GGACT: variants seen among roughly 807,000 people sequenced by gnomAD.
GGACT encodes gamma-glutamylaminecyclotransferase.
For missense variants in GGACT, 241 were observed against 233.2 expected, an observed-to-expected ratio of 1.03 and a Z score of -0.22; for synonymous variants, 118 against 115.3, an observed-to-expected ratio of 1.02 and a Z score of -0.15.
chr13:100,537,357 T>C (rs1179877562), intron 2 of GGACT: 1 of 152,244 alleles, frequency 6.6e-6, no homozygotes, highest in Non-Finnish European at 1.5e-5. Context: ...GCCAGGAAAG[T>C]AGCAATTGTG....
rs1371203667 is a variant in GGACT at position 100,532,106 on chromosome 13, C to T, written c.*24G>A. On this transcript the variant is annotated 3_prime_UTR_variant, in exon 3 of 3. Coordinates refer to ENST00000683975, the MANE Select transcript of GGACT (RefSeq NM_001195087.2). ...TCTTGGAGCCCCAGGGCTCTCAAAC[C>T]TAGGCCCACCCTGCCCGTCCCCCTT... 2.8e-6 allele frequency: 4 copies of T among 1,428,688 alleles called. No individual in the cohort carries two copies. The African/African-American group carries it at 4.4e-5, about 16-fold the overall frequency. The allele number at this position is 1,428,688 out of a possible 1,614,324, so 88.5% of individuals were successfully genotyped here.
At chr13:100,575,442 C>T (rs1322954974) in intron 2 of GGACT, among the ~76,000 whole-genome samples, 1 of 152,170 alleles carries the variant, frequency 6.6e-6, no homozygotes, top group African/African-American at 2.4e-5. Context: ...TTTTGTTTCA[C>T]AAATTTCGAC....
intron 2 of GGACT, among the ~76,000 whole-genome samples, chr13:100,532,923 G>A (rs545879185): frequency 6.6e-6 from 1 of 152,316 alleles, no homozygotes; most frequent in East Asian, 1.9e-4. Context: ...TAGAGAAAGG[G>A]GCACACATTG....
At chr13:100,544,383 G>A (rs1209440053) in intron 2 of GGACT, among the ~76,000 whole-genome samples, 4 of 152,228 alleles carry the variant, frequency 2.6e-5, no homozygotes, top group Non-Finnish European at 5.9e-5. Flanking sequence ...GGCTCGGGCC[G>A]CATCCTGTTG....
intron 2 of GGACT, among the ~76,000 whole-genome samples, chr13:100,575,431 T>C (rs538447563): frequency 6.6e-6 from 1 of 152,372 alleles, no homozygotes; most frequent in South Asian, 2.1e-4. Context: ...AGATGCATGA[T>C]TTTTGTTTCA....
At chr13:100,546,279 G>A (rs1165379037) in intron 2 of GGACT, among the ~76,000 whole-genome samples, 2 of 150,340 alleles carry the variant, frequency 1.3e-5, no homozygotes, top group East Asian at 2.0e-4. Context: ...GGGGAATGGC[G>A]TGAACCCGGT....
intron 2 of GGACT, among the ~76,000 whole-genome samples, chr13:100,562,626 T>G (rs1270845107): frequency 6.6e-6 from 1 of 151,430 alleles, no homozygotes; most frequent in Non-Finnish European, 1.5e-5. Flanking sequence ...TAAAACCCCG[T>G]CTCTACTAAA....
chr13:100,557,615 A>G (rs889431308), intron 2 of GGACT, among the ~76,000 whole-genome samples: 1 of 152,182 alleles, frequency 6.6e-6, no homozygotes, highest in Non-Finnish European at 1.5e-5. Context: ...CTCCCTATAC[A>G]CTAATTAACT....
chr13:100,562,795 CA>C (rs201672312), intron 2 of GGACT, among the ~76,000 whole-genome samples: 2,237 of 123,552 alleles, frequency 0.018, 45 homozygotes, highest in African/African-American at 0.06. Flanking sequence ...GACAATGTCT[CA>C]AAAAAAAAAA....
Position 100,534,160 on chromosome 13 carries a change from A to G in GGACT, c.-10-1559T>C, listed in dbSNP as rs575601983. 1.4e-4 allele frequency among the ~76,000 whole-genome samples: 22 copies of G among 152,310 alleles called. No individual in the cohort carries two copies. In the East Asian group the frequency reaches 4.1e-3, roughly 28 times the overall value. ...GGGGTTCTAGGCCTCATTTTGCTCAAGAGGCACGTCTGCTGCCTCTTGGTT... is the reference window on the plus strand; with the variant it reads ...GGGGTTCTAGGCCTCATTTTGCTCAGGAGGCACGTCTGCTGCCTCTTGGTT... On this transcript the variant is annotated intron_variant, in intron 2 of 2. Coordinates refer to ENST00000683975, the MANE Select transcript of GGACT (RefSeq NM_001195087.2). The surrounding 1 kb of genome is among the most constrained non-coding windows in gnomAD (Gnocchi z 4.9).
intron 2 of GGACT, among the ~76,000 whole-genome samples, chr13:100,578,072 C>T (rs76240877): frequency 0.027 from 4,110 of 152,274 alleles, 105 homozygotes; most frequent in East Asian, 0.07. Context: ...GAGCCCTGAT[C>T]ACAAAGTTGA....
intron 2 of GGACT, among the ~76,000 whole-genome samples, chr13:100,558,514 G>A (rs537377081): frequency 6.6e-5 from 10 of 152,292 alleles, no homozygotes; most frequent in Admixed American, 6.5e-4. Context: ...TTGGCAAGAT[G>A]TAGAGTAACT....
chr13:100,584,476 AG>A (rs1875506840), intron 1 of GGACT, among the ~76,000 whole-genome samples: 1 of 152,162 alleles, frequency 6.6e-6, no homozygotes, highest in South Asian at 2.1e-4. Flanking sequence ...ACCAGAGGCT[AG>A]GAAGGGTAGT....
At chr13:100,570,529 A>T (rs1039127940) in intron 2 of GGACT, among the ~76,000 whole-genome samples, 1 of 152,164 alleles carries the variant, frequency 6.6e-6, no homozygotes, top group South Asian at 2.1e-4. Context: ...CTCCCACAAC[A>T]TGTGGGGATT....
chr13:100,542,373 C>A (rs1261555903), intron 2 of GGACT, among the ~76,000 whole-genome samples: 1 of 152,226 alleles, frequency 6.6e-6, no homozygotes, highest in Non-Finnish European at 1.5e-5. Context: ...GCTGGCCTTA[C>A]TCTTAACAGA....
intron 2 of GGACT, chr13:100,535,976 T>G (rs1199337866): frequency 3.9e-5 from 6 of 152,196 alleles, no homozygotes; most frequent in Non-Finnish European, 8.8e-5. Context: ...TGTCCCGTCC[T>G]CTGGCTGGGA....
intron 2 of GGACT, among the ~76,000 whole-genome samples, chr13:100,577,927 T>G (rs905840888): frequency 6.6e-6 from 1 of 152,172 alleles, no homozygotes; most frequent in Non-Finnish European, 1.5e-5. Flanking sequence ...GGCCAATTTG[T>G]ACCTAATTGT....
intron 1 of GGACT, chr13:100,587,205 C>G (rs2153017862): frequency 6.6e-6 from 1 of 152,274 alleles, no homozygotes; most frequent in African/African-American, 2.4e-5. Context: ...GACTTCACTT[C>G]AAGAATGGAC....
rs837303 is a variant in GGACT at position 100,539,937 on chromosome 13, C to A, written c.-10-7336G>T. ...TTGGTGGGGGACGTGGGGCAGCACC[C>A]GCAGGTCTAAATCGAGGTGGGGGTG... On this transcript the variant is annotated intron_variant, in intron 2 of 2. Transcript: ENST00000683975. The A allele has an allele frequency of 2.2e-3, 3,336 of 1,540,562 alleles. 65 individuals carry two copies. In the African/African-American group the frequency reaches 0.041, roughly 19 times the overall value.
Sources: allele counts gnomAD v4.1 joint callset (sites outside exome capture counted in the v4.1 genomes callset), GRCh38; gene constraint gnomAD v4.1.1; non-coding constraint Gnocchi (gnomAD v3.1); transcripts MANE v1.5; gene names NCBI Gene and HGNC (gene_info 2026-07-23, HGNC 2026-07-21).